EED: variants seen among roughly 807,000 people sequenced by gnomAD.
EED encodes polycomb protein EED.
In EED, 9 loss-of-function variants were observed where a neutral mutation model predicts 61.0. That is an observed-to-expected ratio of 0.15 (90% confidence interval 0.09 to 0.26). EED has a LOEUF of 0.26. Among genes scored for constraint, EED ranks in the 10% least tolerant of loss-of-function variants. EED has a pLI of 1.00. For missense variants in EED, 315 were observed against 542.3 expected, an observed-to-expected ratio of 0.58 and a Z score of 4.16; for synonymous variants, 187 against 174.4, an observed-to-expected ratio of 1.07 and a Z score of -0.57.
chr11:86,281,532 G>A (rs1478070969), downstream of EED, among the ~76,000 whole-genome samples: 2 of 151,978 alleles, frequency 1.3e-5, no homozygotes, highest in African/African-American at 2.4e-5. Flanking sequence ...GTTGGTTTGC[G>A]ATCTTTTTTA....
At chr11:86,258,672 C>T (rs370473004) in intron 6 of EED, among the ~76,000 whole-genome samples, 1 of 149,648 alleles carries the variant, frequency 6.7e-6, no homozygotes, top group African/African-American at 2.5e-5. Context: ...TCTCCTGCCT[C>T]AGCCTCTCGA....
At chr11:86,247,415 C>T (rs1945417922) in intron 1 of EED, among the ~76,000 whole-genome samples, 1 of 152,176 alleles carries the variant, frequency 6.6e-6, no homozygotes, top group African/African-American at 2.4e-5. Context: ...TAGTCCTATA[C>T]TATATGTACT....
At chr11:86,281,400 G>GTT (rs1260351190), downstream of EED, among the ~76,000 whole-genome samples, 2 of 151,742 alleles carry the variant, frequency 1.3e-5, no homozygotes, top group Admixed American at 1.3e-4. Context: ...TTAGCTTTTT[G>GTT]TTTTTTCATT....
intron 9 of EED, among the ~76,000 whole-genome samples, chr11:86,270,313 ATATC>A (rs1405894380): frequency 7.1e-6 from 1 of 141,040 alleles, no homozygotes; most frequent in African/African-American, 2.6e-5. Flanking sequence ...ATGTCTTTTC[ATATC>A]TTTTGCTCAT....
intron 9 of EED, among the ~76,000 whole-genome samples, chr11:86,274,917 G>A (rs1335483307): frequency 6.6e-6 from 1 of 152,178 alleles, no homozygotes; most frequent in Non-Finnish European, 1.5e-5. Context: ...ATGGAGGTGG[G>A]TCCACAGATT....
rs772993565 is a variant in EED, at chr11:86,250,335, C to T, written c.154C>T (p.Arg52Cys). The change falls in exon 2 of 12, where the codon CGC (arginine) becomes TGC (cysteine). Residue 52 changes from arginine (R) to cysteine (C), a missense_variant. Physicochemically the swap from Arg to Cys is radical, Grantham distance 180 (BLOSUM62 -3). Coordinates refer to ENST00000263360, the MANE Select transcript of EED (RefSeq NM_003797.5). ...VSIESGTNTE[R>C]PDTPTNTPNA... Reference sequence around the variant, plus strand: ...TATAGAAAGTGGTACAAACACTGAACGCCCTGATACACCTACAAACACGCC... The same window carrying T: ...TATAGAAAGTGGTACAAACACTGAATGCCCTGATACACCTACAAACACGCC... 6.2e-6 allele frequency: 10 copies of T among 1,601,766 alleles called. No individual in the cohort carries two copies. Among genetic ancestry groups the T allele is most frequent in the Admixed American group, 1.7e-5 (1 of 57,572 alleles).
downstream of EED, among the ~76,000 whole-genome samples, chr11:86,282,622 A>G (rs1340608327): frequency 6.6e-6 from 1 of 152,164 alleles, no homozygotes; most frequent in Non-Finnish European, 1.5e-5. Context: ...CACTTGCCCC[A>G]ACACATATGG....
At chr11:86,266,994 A>C (rs922455583) in intron 8 of EED, among the ~76,000 whole-genome samples, 3 of 152,166 alleles carry the variant, frequency 2.0e-5, no homozygotes, top group Non-Finnish European at 2.9e-5. Flanking sequence ...CATTCATCAG[A>C]CCTAAGTGTC....
intron 1 of EED, among the ~76,000 whole-genome samples, chr11:86,249,884 A>G (rs1168411111): frequency 6.6e-6 from 1 of 152,358 alleles, no homozygotes; most frequent in East Asian, 1.9e-4. Flanking sequence ...TTATGAAGAC[A>G]TATACATCAG....
chr11:86,259,191 G>T (rs1489689528), intron 6 of EED, among the ~76,000 whole-genome samples: 1 of 148,998 alleles, frequency 6.7e-6, no homozygotes, highest in Non-Finnish European at 1.5e-5. Context: ...TTTAACCCTG[G>T]TCTTCCTCTA....
chr11:86,267,253 A>G (rs944934574), intron 8 of EED, among the ~76,000 whole-genome samples: 10 of 152,214 alleles, frequency 6.6e-5, no homozygotes, highest in Non-Finnish European at 1.3e-4. Flanking sequence ...TTTATATCAG[A>G]TCACGAATAA....
intron 3 of EED, among the ~76,000 whole-genome samples, chr11:86,253,551 T>C (rs1945588717): frequency 6.6e-6 from 1 of 152,220 alleles, no homozygotes; most frequent in Non-Finnish European, 1.5e-5. Flanking sequence ...TGTTAGAATT[T>C]CTTTAAAAGG....
chr11:86,248,776 T>C lies in EED; in HGVS notation c.115-1520T>C, dbSNP rs144809864. On this transcript the variant is annotated intron_variant, in intron 1 of 11. Coordinates refer to ENST00000263360, the MANE Select transcript of EED (RefSeq NM_003797.5). ...GCTCACACCTGTAATCCCAGCACTT[T>C]AGGTGGCTGAGGTGGGAGGATCCTT... 1.8e-3 allele frequency among the ~76,000 whole-genome samples: 272 copies of C among 152,262 alleles called. 1 individual carries two copies. Among genetic ancestry groups the C allele is most frequent in the African/African-American group, 6.4e-3 (268 of 41,552 alleles).
chr11:86,256,022 A>G (rs10898457), intron 4 of EED, among the ~76,000 whole-genome samples: 50,776 of 152,062 alleles, frequency 0.33, 9,271 homozygotes, highest in Non-Finnish European at 0.41. Flanking sequence ...AGGTATGGGG[A>G]TAGAGCAGAG....
rs563686023 is a variant in EED, at chr11:86,275,621, T to A, written c.967-1359T>A. On this transcript the variant is annotated intron_variant, in intron 9 of 11. Coordinates refer to ENST00000263360, the MANE Select transcript of EED (RefSeq NM_003797.5). ...CCAGTACTTAAAAATTCTTCACCGGTGCAGTTAGTAAGAAGCACTTGAAGA... is the reference window on the plus strand; with the variant it reads ...CCAGTACTTAAAAATTCTTCACCGGAGCAGTTAGTAAGAAGCACTTGAAGA... Among the ~76,000 whole-genome samples the A allele has an allele frequency of 3.3e-5, 5 of 152,304 alleles. No individual in the cohort carries two copies. The South Asian group carries it at 1.0e-3, about 32-fold the overall frequency.
At chr11:86,266,283 C>A in intron 8 of EED, 67 bp downstream of exon 8, 1 of 1,384,088 alleles carries the variant, frequency 7.2e-7, no homozygotes, top group Non-Finnish European at 9.6e-7. Flanking sequence ...TATTTTTTCC[C>A]AAAATTGCTA....
chr11:86,270,904 C>T (rs989524954), intron 9 of EED, among the ~76,000 whole-genome samples: 1 of 152,212 alleles, frequency 6.6e-6, no homozygotes, highest in African/African-American at 2.4e-5. Flanking sequence ...ACTACATACA[C>T]AGTCCTCATT....
chr11:86,273,001 C>T (rs1946151810), intron 9 of EED, among the ~76,000 whole-genome samples: 1 of 152,030 alleles, frequency 6.6e-6, no homozygotes, highest in Non-Finnish European at 1.5e-5. Flanking sequence ...ACTCATTAGT[C>T]TACTATATTA....
intron 9 of EED, among the ~76,000 whole-genome samples, chr11:86,275,698 G>T (rs990370208): frequency 6.6e-6 from 1 of 152,108 alleles, no homozygotes; most frequent in African/African-American, 2.4e-5. Flanking sequence ...CTCTGAATCA[G>T]TAGGGGCTGA....
Sources: allele counts gnomAD v4.1 joint callset (sites outside exome capture counted in the v4.1 genomes callset), GRCh38; gene constraint gnomAD v4.1.1; transcripts MANE v1.5; gene names NCBI Gene and HGNC (gene_info 2026-07-23, HGNC 2026-07-21).